Variants in PRKCA observed in about 807,000 individuals in gnomAD.
PRKCA encodes protein kinase C alpha type.
Under a neutral mutation model 87.0 loss-of-function variants are expected in PRKCA, and 27 were observed. The ratio of observed to expected loss-of-function variants is 0.31; its 90% CI spans 0.23 to 0.43. The LOEUF (loss-of-function observed/expected upper bound fraction) is 0.43. PRKCA is among the 20% of genes least tolerant of loss of function. The pLI is 1.00. For synonymous variants in PRKCA, 329 were observed against 311.1 expected, an observed-to-expected ratio of 1.06 and a Z score of -0.61; for missense variants, 518 against 852.3, an observed-to-expected ratio of 0.61 and a Z score of 4.88.
intron 2 of PRKCA, among the ~76,000 whole-genome samples, chr17:66,452,178 T>C (rs1914360408): frequency 6.6e-6 from 1 of 152,214 alleles, no homozygotes; most frequent in South Asian, 2.1e-4. Context: ...GTGGCTTCAT[T>C]TTCTCCAGAG....
chr17:66,793,541 G>T (rs984918366), intron 16 of PRKCA, among the ~76,000 whole-genome samples: 1 of 125,200 alleles, frequency 8.0e-6, no homozygotes, highest in Non-Finnish European at 1.6e-5. Context: ...AGTGAGCCCA[G>T]ATTGCGTCAT....
chr17:66,734,857 TA>T (rs1252421962), intron 9 of PRKCA, among the ~76,000 whole-genome samples: 1 of 150,366 alleles, frequency 6.7e-6, no homozygotes, highest in African/African-American at 2.5e-5. Flanking sequence ...TCTACTTCCT[TA>T]AAAGCAACTG....
intron 8 of PRKCA, among the ~76,000 whole-genome samples, chr17:66,711,925 T>A (rs1973340613): frequency 6.6e-6 from 1 of 152,038 alleles, no homozygotes; most frequent in South Asian, 2.1e-4. Context: ...AGAAAAAAAA[T>A]ATTCCTTGAG....
chr17:66,690,454 T>G (rs1972748165), intron 8 of PRKCA, among the ~76,000 whole-genome samples: 1 of 152,202 alleles, frequency 6.6e-6, no homozygotes, highest in South Asian at 2.1e-4. Flanking sequence ...TTGCCGGATC[T>G]TCCTTCTTCC....
At chr17:66,333,273 C>CTA in intron 2 of PRKCA, among the ~76,000 whole-genome samples, 1 of 152,222 alleles carries the variant, frequency 6.6e-6, no homozygotes, top group African/African-American at 2.4e-5. Flanking sequence ...ATCTAACAAA[C>CTA]TATAGCAAAT....
intron 14 of PRKCA, chr17:66,775,657 G>C (rs1975029465): frequency 1.0e-6 from 1 of 985,452 alleles, no homozygotes. Context: ...TGGCCATGCT[G>C]TGCGACAGAG....
At chr17:66,418,071 G>A (rs1351861344) in intron 2 of PRKCA, among the ~76,000 whole-genome samples, 1 of 152,108 alleles carries the variant, frequency 6.6e-6, no homozygotes, top group Non-Finnish European at 1.5e-5. Flanking sequence ...ACTTTTTGGT[G>A]CGCGTGGGTT....
chr17:66,635,045 T>C (rs113573655), intron 3 of PRKCA, among the ~76,000 whole-genome samples: 8,953 of 152,286 alleles, frequency 0.059, 321 homozygotes, highest in Admixed American at 0.081. Flanking sequence ...TGGAGAGACT[T>C]CCTGGAGGAG....
At chr17:66,344,084 A>T (rs2143375209) in intron 2 of PRKCA, among the ~76,000 whole-genome samples, 1 of 152,304 alleles carries the variant, frequency 6.6e-6, no homozygotes. Context: ...AGAACCACTG[A>T]CTAAGTATGT....
intron 3 of PRKCA, among the ~76,000 whole-genome samples, chr17:66,567,468 C>A (rs1334828471): frequency 6.6e-6 from 1 of 152,150 alleles, no homozygotes; most frequent in African/African-American, 2.4e-5. Flanking sequence ...GAGATCCTGC[C>A]AGGCCACAGG....
intron 3 of PRKCA, among the ~76,000 whole-genome samples, chr17:66,606,985 A>T (rs1481901469): frequency 1.3e-5 from 2 of 152,162 alleles, no homozygotes; most frequent in African/African-American, 4.8e-5. Context: ...AATTAAAATG[A>T]CCCAGCGATG....
At chr17:66,637,735 A>G (rs1971183111) in intron 3 of PRKCA, among the ~76,000 whole-genome samples, 2 of 152,192 alleles carry the variant, frequency 1.3e-5, no homozygotes, top group African/African-American at 2.4e-5. Context: ...GTGGTTTTCC[A>G]GTCTTTAGTG....
intron 3 of PRKCA, among the ~76,000 whole-genome samples, chr17:66,545,161 A>G (rs542031795): frequency 5.9e-5 from 9 of 152,228 alleles, no homozygotes; most frequent in East Asian, 1.9e-4. Context: ...GGGCGCAGTG[A>G]ATCACGCCTG....
chr17:66,368,360 A>ATG (rs1321242117), intron 2 of PRKCA, among the ~76,000 whole-genome samples: 79 of 56,848 alleles, frequency 1.4e-3, no homozygotes, highest in African/African-American at 4.2e-3. Flanking sequence ...GTGTGTGTGT[A>ATG]TATGTATATA....
At chr17:66,410,192 G>T (rs780369216) in intron 2 of PRKCA, among the ~76,000 whole-genome samples, 6 of 135,770 alleles carry the variant, frequency 4.4e-5, no homozygotes, top group Non-Finnish European at 9.4e-5. Context: ...AATTTTATAG[G>T]TGATACCAAC....
intron 3 of PRKCA, among the ~76,000 whole-genome samples, chr17:66,552,141 A>G (rs1968355626): frequency 6.6e-6 from 1 of 152,046 alleles, no homozygotes; most frequent in African/African-American, 2.4e-5. Flanking sequence ...CTAGGAAAAA[A>G]TACAAAATTA....
intron 2 of PRKCA, among the ~76,000 whole-genome samples, chr17:66,390,257 T>G (rs1910288619): frequency 6.6e-6 from 1 of 152,166 alleles, no homozygotes; most frequent in African/African-American, 2.4e-5. Flanking sequence ...GAGTGGACCT[T>G]TTTGCAATTT....
chr17:66,587,487 G>C (rs1969631235), intron 3 of PRKCA, among the ~76,000 whole-genome samples: 1 of 151,684 alleles, frequency 6.6e-6, no homozygotes, highest in African/African-American at 2.4e-5. Context: ...CATTTTACTT[G>C]TTATATATGA....
chr17:66,799,070 G>GTGGTGGTGA (rs1975793803), intron 16 of PRKCA, among the ~76,000 whole-genome samples: 1 of 7,404 alleles, frequency 1.4e-4, no homozygotes, highest in Non-Finnish European at 2.9e-4. Context: ...GGTGGTGGTG[G>GTGGTGGTGA]TGGTGGTGGT....
Sources: gnomAD v4.1 joint callset for allele counts (sites outside exome capture counted in the v4.1 genomes callset) on GRCh38, gnomAD v4.1.1 for gene constraint, MANE v1.5 for transcripts, NCBI Gene and HGNC (gene_info 2026-07-23, HGNC 2026-07-21) for gene names.